Variants in UBE2E2 observed in about 807,000 individuals in gnomAD.
The protein encoded by UBE2E2 is ubiquitin conjugating enzyme E2 E2, also known as ubiquitin-conjugating enzyme E2 E2.
Under a neutral mutation model 24.7 loss-of-function variants are expected in UBE2E2, and 6 were observed. The observed-to-expected ratio is 0.24, with a 90% CI of 0.13 to 0.48. UBE2E2 has a LOEUF of 0.48. UBE2E2 is among the 20% of genes least tolerant of loss of function. The pLI is 0.99. For synonymous variants in UBE2E2, 104 were observed against 83.6 expected, an observed-to-expected ratio of 1.24 and a Z score of -1.33; for missense variants, 169 against 245.0, an observed-to-expected ratio of 0.69 and a Z score of 2.07.
chr3:23,524,471 T>C (rs907008877), intron 4 of UBE2E2, among the ~76,000 whole-genome samples: 1 of 152,178 alleles, frequency 6.6e-6, no homozygotes, highest in African/African-American at 2.4e-5. Context: ...TAGCTGTTAT[T>C]TTCCTCATTT....
intron 4 of UBE2E2, among the ~76,000 whole-genome samples, chr3:23,515,120 GGTGTGTGTGTGTGTGTGTGT>G (rs58387270): frequency 3.4e-5 from 5 of 148,018 alleles, no homozygotes; most frequent in African/African-American, 9.9e-5. Context: ...ATAAACTTGG[GGTGTGTGTGTGTGTGTGTGT>G]GTGTGTGTGT....
intron 3 of UBE2E2, among the ~76,000 whole-genome samples, chr3:23,326,116 G>C (rs1694884108): frequency 1.3e-5 from 2 of 152,054 alleles, no homozygotes; most frequent in African/African-American, 4.8e-5. Context: ...TTCTCGCCCA[G>C]GCTGGAGTGC....
chr3:23,566,905 A>G (rs1431409460), intron 5 of UBE2E2, among the ~76,000 whole-genome samples: 2 of 152,208 alleles, frequency 1.3e-5, no homozygotes, highest in Non-Finnish European at 2.9e-5. Flanking sequence ...GGGAAAGGCC[A>G]AGAGATATCT....
intron 5 of UBE2E2, among the ~76,000 whole-genome samples, chr3:23,588,686 A>G (rs1403057498): frequency 6.6e-6 from 1 of 152,110 alleles, no homozygotes; most frequent in Non-Finnish European, 1.5e-5. Context: ...CTGTTAGTTA[A>G]GAGGGTGAAC....
intron 2 of UBE2E2, among the ~76,000 whole-genome samples, chr3:23,211,235 A>G (rs1696313482): frequency 6.6e-6 from 1 of 152,144 alleles, no homozygotes; most frequent in Non-Finnish European, 1.5e-5. Context: ...TAGTTTCAAA[A>G]TAAATTTTAT....
chr3:23,233,962 G>A (rs1697033970), intron 3 of UBE2E2, among the ~76,000 whole-genome samples: 1 of 152,112 alleles, frequency 6.6e-6, no homozygotes, highest in Admixed American at 6.6e-5. Context: ...GTTATAAAAT[G>A]TTTGGTAAAT....
intron 3 of UBE2E2, among the ~76,000 whole-genome samples, chr3:23,426,552 C>T (rs1697930962): frequency 6.6e-6 from 1 of 152,054 alleles, no homozygotes; most frequent in Non-Finnish European, 1.5e-5. Context: ...AACATTTCCT[C>T]AGAAACCATG....
chr3:23,540,198 A>C (rs1443395760), intron 5 of UBE2E2, among the ~76,000 whole-genome samples: 1 of 152,058 alleles, frequency 6.6e-6, no homozygotes, highest in East Asian at 1.9e-4. Flanking sequence ...CGAGTAGCTA[A>C]ATATTCTCAG....
chr3:23,301,879 C>A (rs1036897068), intron 3 of UBE2E2, among the ~76,000 whole-genome samples: 2 of 152,162 alleles, frequency 1.3e-5, no homozygotes, highest in African/African-American at 4.8e-5. Flanking sequence ...GGGAGCTGTT[C>A]CTATTCGGCC....
chr3:23,213,721 C>T (rs1343087403), intron 2 of UBE2E2, among the ~76,000 whole-genome samples: 2 of 152,092 alleles, frequency 1.3e-5, no homozygotes, highest in African/African-American at 4.8e-5. Flanking sequence ...AATAGTTCTC[C>T]ATCTTTCACC....
At position 23,257,925 on chromosome 3, in the gene UBE2E2, CTT is replaced by C. The variant is rs1256528550; in HGVS notation, c.227+40615_227+40616del. Among the ~76,000 whole-genome samples, 4 of 151,598 alleles carry C rather than the reference CTT, an allele frequency of 2.6e-5. No homozygotes were observed. In the East Asian group the frequency reaches 7.7e-4, roughly 29 times the overall value. ...TTTTGCTTTTCTTTCATTTAGATCT[CTT>C]TCGTCTATTCCTCTACTATCATTAA... On this transcript the variant is annotated intron_variant, in intron 3 of 5. Coordinates refer to ENST00000396703, the MANE Select transcript of UBE2E2 (RefSeq NM_152653.4).
At chr3:23,510,290 A>G (rs1457612627) in intron 4 of UBE2E2, among the ~76,000 whole-genome samples, 1 of 152,214 alleles carries the variant, frequency 6.6e-6, no homozygotes, top group African/African-American at 2.4e-5. Flanking sequence ...AAAGTCAGAC[A>G]GTCAACAAAA....
intron 3 of UBE2E2, among the ~76,000 whole-genome samples, chr3:23,238,602 T>C (rs905371440): frequency 2.6e-5 from 4 of 152,298 alleles, no homozygotes; most frequent in African/African-American, 9.6e-5. Flanking sequence ...GAGTATCTCT[T>C]ACCTGAGATG....
intron 3 of UBE2E2, among the ~76,000 whole-genome samples, chr3:23,312,114 C>T (rs1694420106): frequency 6.6e-6 from 1 of 152,204 alleles, no homozygotes; most frequent in Admixed American, 6.5e-5. Flanking sequence ...CTACTCATAA[C>T]ATGTGAGATG....
At chr3:23,586,963 G>A (rs1696641234) in intron 5 of UBE2E2, among the ~76,000 whole-genome samples, 1 of 150,534 alleles carries the variant, frequency 6.6e-6, no homozygotes, top group Non-Finnish European at 1.5e-5. Flanking sequence ...ATACCACGAT[G>A]TTAACAGCAG....
intron 3 of UBE2E2, among the ~76,000 whole-genome samples, chr3:23,461,346 C>G (rs1698801190): frequency 6.6e-6 from 1 of 151,938 alleles, no homozygotes; most frequent in Admixed American, 6.6e-5. Context: ...TGCTAGGTAA[C>G]TTATCTTTGT....
chr3:23,478,891 TATA>T (rs1340753462), intron 3 of UBE2E2, among the ~76,000 whole-genome samples: 1 of 34,916 alleles, frequency 2.9e-5, no homozygotes, highest in East Asian at 7.7e-4. Context: ...TATATATATA[TATA>T]TATTTTTTTT....
chr3:23,571,280 C>CTTTTTTTTT (rs59243406), intron 5 of UBE2E2, among the ~76,000 whole-genome samples: 574 of 29,878 alleles, frequency 0.019, 226 homozygotes, highest in Admixed American at 0.021. Context: ...GTGCTCCTTT[C>CTTTTTTTTT]TTTTTTTTTT....
In UBE2E2 at chr3:23,212,032, C is replaced by T. The variant is rs184749215; in HGVS notation, c.176+3157C>T. 5.3e-5 allele frequency among the ~76,000 whole-genome samples: 8 copies of T among 152,144 alleles called. 1 individual carries two copies. The highest frequency in any genetic ancestry group is 1.9e-4 in the East Asian group (1 of 5,176). ...TAGTGACTTAGGAAAAGTGCTTGCA[C>T]GTAGGTGCTCAGTTATTATATGAAA... On this transcript the variant is annotated intron_variant, in intron 2 of 5. Coordinates refer to ENST00000396703, the MANE Select transcript of UBE2E2 (RefSeq NM_152653.4).
Sources: gnomAD v4.1 joint callset for allele counts (sites outside exome capture counted in the v4.1 genomes callset) on GRCh38, gnomAD v4.1.1 for gene constraint, MANE v1.5 for transcripts, NCBI Gene and HGNC (gene_info 2026-07-23, HGNC 2026-07-21) for gene names.